Variants in IKBKE observed in about 807,000 individuals in gnomAD.
IKBKE encodes inhibitor of nuclear factor kappa B kinase subunit epsilon, also known as inhibitor of nuclear factor kappa-B kinase subunit epsilon.
In IKBKE, 45 loss-of-function variants were observed where a neutral mutation model predicts 92.1. The observed-to-expected ratio is 0.49, with a 90% CI of 0.38 to 0.63. IKBKE has a LOEUF of 0.63. Ranked by LOEUF, IKBKE falls within the 20% of genes least tolerant of loss-of-function variation. The pLI is 0.00. For synonymous variants in IKBKE, 374 were observed against 380.3 expected, an observed-to-expected ratio of 0.98 and a Z score of 0.19; for missense variants, 700 against 932.8, an observed-to-expected ratio of 0.75 and a Z score of 3.25.
At chr1:206,480,207 G>T in intron 12 of IKBKE, 94 bp downstream of exon 12, 1 of 361,386 alleles carries the variant, frequency 2.8e-6, no homozygotes, top group Admixed American at 4.2e-5. Flanking sequence ...AGATGGGTGG[G>T]GGGTGGGCAG....
In IKBKE at chr1:206,487,297, T is replaced by C. The variant is rs1665715538; in HGVS notation, c.1617-617T>C. Among the ~76,000 whole-genome samples the C allele has an allele frequency of 6.6e-6, 1 of 152,206 alleles. No individual in the cohort carries two copies. ...GAAAAGGGGAAGGAAGAAATAATAA[T>C]GACCTTCAACCCCAGAACAAGAAAG... On this transcript the variant is annotated intron_variant, in intron 15 of 21. Coordinates refer to ENST00000581977, the MANE Select transcript of IKBKE (RefSeq NM_014002.4). The surrounding 1 kb of genome is among the most constrained non-coding windows in gnomAD (Gnocchi z 5.3).
chr1:206,481,398 G>A (rs1256884706), intron 13 of IKBKE, among the ~76,000 whole-genome samples: 4 of 152,200 alleles, frequency 2.6e-5, no homozygotes, highest in Non-Finnish European at 4.4e-5. Flanking sequence ...GCAGCCCCGC[G>A]TGCCTCCTGC....
intron 13 of IKBKE, among the ~76,000 whole-genome samples, chr1:206,484,161 T>TTGTATTG (rs1553387966): frequency 6.8e-6 from 1 of 147,142 alleles, no homozygotes; most frequent in South Asian, 2.2e-4. Context: ...TTGTATTGTA[T>TTGTATTG]TATTATTTTT....
intron 13 of IKBKE, among the ~76,000 whole-genome samples, chr1:206,484,095 TTTGTATTGTATTGTATTGTATTGTA>T (rs56098571): frequency 3.8e-4 from 47 of 122,132 alleles, no homozygotes; most frequent in African/African-American, 8.8e-4. Context: ...TGGCTTTTAT[TTTGTATTGTATTGTATTGTATTGTA>T]TTGTATTGTA....
intron 13 of IKBKE, among the ~76,000 whole-genome samples, chr1:206,483,495 C>T (rs1431807952): frequency 6.6e-6 from 1 of 152,244 alleles, no homozygotes; most frequent in East Asian, 1.9e-4. Flanking sequence ...AGCAAAGCGA[C>T]GGCACCCCTG....
chr1:206,474,841 A>G lies in IKBKE; in HGVS notation c.229-24A>G, dbSNP rs111750505. 46 of 1,611,362 alleles carry G rather than the reference A, an allele frequency of 2.9e-5. 1 individual carries two copies. The African/African-American group carries it at 4.1e-4, about 14-fold the overall frequency. Reference sequence around the variant, plus strand: ...GGGGAGGAGAAGTGCCGTCCTCATGAGCCCCTCTCTGTCCCACCCATAGGG... The same window carrying G: ...GGGGAGGAGAAGTGCCGTCCTCATGGGCCCCTCTCTGTCCCACCCATAGGG... On this transcript the variant is annotated intron_variant, in intron 4 of 21. Coordinates refer to ENST00000581977, the MANE Select transcript of IKBKE (RefSeq NM_014002.4).
chr1:206,475,335 T>C (rs1196602972), intron 5 of IKBKE, among the ~76,000 whole-genome samples: 1 of 152,238 alleles, frequency 6.6e-6, no homozygotes, highest in Non-Finnish European at 1.5e-5. Context: ...GGACAAATCC[T>C]GTATGATTCC....
Position 206,478,115 on chromosome 1 carries a change from G to T in IKBKE, c.813-45G>T. On this transcript the variant is annotated intron_variant, in intron 8 of 21. Transcript: ENST00000581977. This position sits in a 1 kb window ranked among gnomAD's most constrained non-coding sequence, Gnocchi z 4.8. ...CCTATTGCCTGCTTAAGGAGGATAGGTCTGGGCCCCCACCCCTGACAGTCT... is the reference window on the plus strand; with the variant it reads ...CCTATTGCCTGCTTAAGGAGGATAGTTCTGGGCCCCCACCCCTGACAGTCT... The T allele has an allele frequency of 6.4e-7, 1 of 1,569,964 alleles. No individual in the cohort carries two copies. The highest frequency in any genetic ancestry group is 8.7e-7 in the Non-Finnish European group (1 of 1,147,182).
At chr1:206,473,513 G>A (rs570790710) in intron 3 of IKBKE, among the ~76,000 whole-genome samples, 199 bp downstream of exon 3, 23 of 152,208 alleles carry the variant, frequency 1.5e-4, no homozygotes, top group Non-Finnish European at 2.4e-4. Flanking sequence ...TGCCTCTGTC[G>A]GGCACGAGTT....
In IKBKE at chr1:206,485,156, C is replaced by T. The variant is rs1665586201; in HGVS notation, c.1504-38C>T. On this transcript the variant is annotated intron_variant, in intron 14 of 21. Transcript: ENST00000581977. This position sits in a 1 kb window ranked among gnomAD's most constrained non-coding sequence, Gnocchi z 5.0. ...GCCAGCCTGCCCACCAGTGCCCAGG[C>T]TGAAGACCCCACGGGGGTCTGCCTT... 1 of 1,586,368 alleles carries T rather than the reference C, an allele frequency of 6.3e-7. No homozygotes were observed. Among genetic ancestry groups the T allele is most frequent in the South Asian group, 1.1e-5 (1 of 90,486 alleles).
Position 206,490,754 on chromosome 1 carries a change from C to A in IKBKE, c.1694-65C>A. ...CTTCATCTTTTAACTGTCTCTCGAC[C>A]TTTGCTGCACACTGTTTCGTTGACT... is the stretch of plus-strand genomic sequence containing the variant. On this transcript the variant is annotated intron_variant, in intron 16 of 21. Coordinates refer to ENST00000581977, the MANE Select transcript of IKBKE (RefSeq NM_014002.4). This position sits in a 1 kb window ranked among gnomAD's most constrained non-coding sequence, Gnocchi z 5.2. The A allele has an allele frequency of 1.3e-6, 2 of 1,533,278 alleles. No individual in the cohort carries two copies. Among genetic ancestry groups the A allele is most frequent in the Non-Finnish European group, 1.8e-6 (2 of 1,106,370 alleles). 95.0% of individuals were successfully genotyped at this position (1,533,278 alleles called of 1,614,324 possible).
rs1260018737 is a variant in IKBKE at position 206,478,072 on chromosome 1, A to ACCTGCTCC, written c.813-88_813-87insCCTGCTCC. On this transcript the variant is annotated intron_variant, in intron 8 of 21. Transcript: ENST00000581977. The surrounding 1 kb of genome is among the most constrained non-coding windows in gnomAD (Gnocchi z 4.8). ...ACCATCTTGGTCCTAGCTCTTCAGG[A>ACCTGCTCC]TATTCTCTTAGAACGCTCCTATTGC... 1 of 884,428 alleles carries ACCTGCTCC rather than the reference A, an allele frequency of 1.1e-6. No individual in the cohort carries two copies. The highest frequency in any genetic ancestry group is 1.7e-5 in the African/African-American group (1 of 59,594). 54.8% of individuals were successfully genotyped at this position (884,428 alleles called of 1,614,324 possible). A position where few individuals can be genotyped will look rare whatever the true frequency, so the allele number is the denominator to read the frequency against.
chr1:206,486,682 G>T (rs782736942), intron 15 of IKBKE, among the ~76,000 whole-genome samples: 1 of 151,144 alleles, frequency 6.6e-6, no homozygotes, highest in Non-Finnish European at 1.5e-5. Flanking sequence ...TTGGATGAAG[G>T]CTGTGGATCT....
In IKBKE at chr1:206,478,109, G is replaced by C; in HGVS notation, c.813-51G>C. 1 of 1,526,980 alleles carries C rather than the reference G, an allele frequency of 6.5e-7. No individual in the cohort carries two copies. Among genetic ancestry groups the C allele is most frequent in the Non-Finnish European group, 9.0e-7 (1 of 1,110,188 alleles). 94.6% of individuals were successfully genotyped at this position (1,526,980 alleles called of 1,614,324 possible). On this transcript the variant is annotated intron_variant, in intron 8 of 21. Transcript: ENST00000581977. This position sits in a 1 kb window ranked among gnomAD's most constrained non-coding sequence, Gnocchi z 4.8. Reference sequence around the variant, plus strand: ...AACGCTCCTATTGCCTGCTTAAGGAGGATAGGTCTGGGCCCCCACCCCTGA... The same window carrying C: ...AACGCTCCTATTGCCTGCTTAAGGACGATAGGTCTGGGCCCCCACCCCTGA...
In IKBKE at chr1:206,487,342, C is replaced by T. The variant is rs776581801; in HGVS notation, c.1617-572C>T. 2.0e-5 allele frequency among the ~76,000 whole-genome samples: 3 copies of T among 152,222 alleles called. No individual in the cohort carries two copies. Among genetic ancestry groups the T allele is most frequent in the Non-Finnish European group, 2.9e-5 (2 of 68,040 alleles). On this transcript the variant is annotated intron_variant, in intron 15 of 21. Transcript: ENST00000581977. The surrounding 1 kb of genome is among the most constrained non-coding windows in gnomAD (Gnocchi z 5.3). ...AGAAAGTCCTCGGGAGATCATCTCC[C>T]CAGTTCCTCCGCCTCCGGGCAGGAC...
rs1553386298 is a variant in IKBKE, at chr1:206,479,097, A to G, written c.1147A>G (p.Ser383Gly). 4 of 1,612,338 alleles carry G rather than the reference A, an allele frequency of 2.5e-6. No individual in the cohort carries two copies. Among genetic ancestry groups the G allele is most frequent in the Non-Finnish European group, 3.4e-6 (4 of 1,179,412 alleles). The change falls in exon 10 of 22, where the codon AGC (serine) becomes GGC (glycine). Residue 383 changes from serine (S) to glycine (G), a missense_variant. Transcript: ENST00000581977. ...GGCAAGCAGCCCCCTGACCCTCTTC[A>G]GCACAGCCATCCCTAAGGGGCTGGC... is the stretch of plus-strand genomic sequence containing the variant. ...TTASSPLTLF[S>G]TAIPKGLAFR...
chr1:206,492,971 G>A, intron 18 of IKBKE, 52 bp from the exon 19 acceptor site: 1 of 1,481,182 alleles, frequency 6.8e-7, no homozygotes, highest in Non-Finnish European at 9.2e-7. Context: ...GCGAGCCCTG[G>A]GGAATGGGCT....
intron 4 of IKBKE, 137 bp downstream of exon 4, chr1:206,474,608 G>T: frequency 1.1e-6 from 1 of 933,704 alleles, no homozygotes. Flanking sequence ...GCAGAAGGGA[G>T]CAAAGGGGGC....
In IKBKE at chr1:206,493,031, A is replaced by G. The variant is rs782180809; in HGVS notation, c.1844A>G (p.His615Arg). 2 of 1,570,300 alleles carry G rather than the reference A, an allele frequency of 1.3e-6. No individual in the cohort carries two copies. Among genetic ancestry groups the G allele is most frequent in the South Asian group, 2.3e-5 (2 of 85,980 alleles). Residue 615 changes from histidine to arginine, a missense_variant, in exon 19 of 22, where the codon CAC (histidine) becomes CGC (arginine). His to Arg is a conservative substitution (Grantham distance 29). Coordinates refer to ENST00000581977, the MANE Select transcript of IKBKE (RefSeq NM_014002.4). ...CTGTGTGTTCTCTTGAGGGTGGTGC[A>G]CGAGACCAGGAACCACCTGCGCCTG... The part of the protein sequence containing the change: ...VTHGKRMRVV[H>R]ETRNHLRLVG...
Sources: allele counts gnomAD v4.1 joint callset (sites outside exome capture counted in the v4.1 genomes callset), GRCh38; gene constraint gnomAD v4.1.1; non-coding constraint Gnocchi (gnomAD v3.1); transcripts MANE v1.5; gene names NCBI Gene and HGNC (gene_info 2026-07-23, HGNC 2026-07-21).